MGST1: variants seen among roughly 807,000 people sequenced by gnomAD.
MGST1 encodes the protein microsomal glutathione S-transferase 1.
In MGST1, 5 loss-of-function variants were observed where a neutral mutation model predicts 8.9. The observed-to-expected ratio is 0.56, with a 90% CI of 0.29 to 1.19. The LOEUF is 1.19. MGST1 is among the 50% of genes most tolerant of loss of function. The pLI is 0.08. For missense variants in MGST1, 182 were observed against 187.4 expected (o/e 0.97, Z 0.17); for synonymous variants, 54 against 67.8 (o/e 0.80, Z 1.00).
At chr12:16,365,462 T>C (rs1476739656), downstream of MGST1, among the ~76,000 whole-genome samples, 1 of 152,240 alleles carries the variant, frequency 6.6e-6, no homozygotes, top group African/African-American at 2.4e-5. Flanking sequence ...CATTTAGATG[T>C]GCCACTCAAG....
At chr12:16,415,539 C>T (rs1159029037) in intron 1 of MGST1, among the ~76,000 whole-genome samples, 1 of 152,170 alleles carries the variant, frequency 6.6e-6, no homozygotes, top group Non-Finnish European at 1.5e-5. Flanking sequence ...TTTGCAGTGA[C>T]CCACTTCTAC....
At chr12:16,370,481 G>A (rs1381344920) in intron 3 of MGST1, 2 of 152,118 alleles carry the variant, frequency 1.3e-5, no homozygotes, top group South Asian at 4.1e-4. Flanking sequence ...AAATTTTTGT[G>A]TTAGTGTTTG....
downstream of MGST1, among the ~76,000 whole-genome samples, chr12:16,381,604 C>G (rs1272854745): frequency 1.3e-5 from 2 of 152,096 alleles, no homozygotes; most frequent in East Asian, 1.9e-4. Context: ...TGGTGAATCT[C>G]ACAATTATGT....
chr12:16,415,015 A>G (rs1429830564), intron 1 of MGST1, among the ~76,000 whole-genome samples: 1 of 152,016 alleles, frequency 6.6e-6, no homozygotes, highest in South Asian at 2.1e-4. Flanking sequence ...CAAGAGCAAA[A>G]CTTCGCCTCA....
intron 4 of MGST1, among the ~76,000 whole-genome samples, chr12:16,583,621 G>A (rs1014138716): frequency 3.3e-5 from 5 of 152,144 alleles, no homozygotes; most frequent in Non-Finnish European, 7.3e-5. Flanking sequence ...GTAAGAGGCT[G>A]ATTTATATCA....
At chr12:16,509,214 A>T (rs550767168) in intron 4 of MGST1, among the ~76,000 whole-genome samples, 10 of 152,350 alleles carry the variant, frequency 6.6e-5, no homozygotes, top group African/African-American at 2.2e-4. Flanking sequence ...CAGTGTTAAT[A>T]ATGAAATATA....
chr12:16,586,484 C>G lies in MGST1; in HGVS notation n.483-3044C>G, dbSNP rs529742660. ...GGACAATGTGTCTGGACAAATCTCA[C>G]GCTAAGCATTATCTTCTACGTCCAC... is the stretch of plus-strand genomic sequence containing the variant. On this transcript the variant is annotated intron_variant and non_coding_transcript_variant, in intron 4 of 4. Coordinates refer to the MGST1 transcript ENST00000538857. The surrounding 1 kb of genome is among the most constrained non-coding windows in gnomAD (Gnocchi z 4.3). Among the ~76,000 whole-genome samples the G allele has an allele frequency of 1.3e-5, 2 of 152,158 alleles. No homozygotes were observed. Among genetic ancestry groups the G allele is most frequent in the African/African-American group, 2.4e-5 (1 of 41,456 alleles).
intron 4 of MGST1, among the ~76,000 whole-genome samples, chr12:16,471,526 A>G (rs1169358141): frequency 6.6e-6 from 1 of 152,194 alleles, no homozygotes; most frequent in Non-Finnish European, 1.5e-5. Flanking sequence ...TCAGGTTTTT[A>G]ATGCCTTGAT....
chr12:16,561,228 T>C (rs1271719176), intron 4 of MGST1, among the ~76,000 whole-genome samples: 2 of 152,206 alleles, frequency 1.3e-5, no homozygotes, highest in Admixed American at 6.5e-5. Flanking sequence ...TGAGAATCGT[T>C]ATTGTAATGA....
At chr12:16,390,943 CT>C (rs977183785) in intron 1 of MGST1, among the ~76,000 whole-genome samples, 28 of 151,998 alleles carry the variant, frequency 1.8e-4, no homozygotes, top group African/African-American at 6.5e-4. Flanking sequence ...TAAGTGTTCG[CT>C]TTTCTCCACA....
chr12:16,391,554 A>G (rs1193516813), intron 1 of MGST1, among the ~76,000 whole-genome samples: 1 of 151,496 alleles, frequency 6.6e-6, no homozygotes, highest in East Asian at 2.0e-4. Context: ...TTCTTTATCC[A>G]GTGTATTATT....
intron 4 of MGST1, among the ~76,000 whole-genome samples, chr12:16,480,436 C>T (rs575910420): frequency 1.2e-4 from 19 of 152,128 alleles, no homozygotes; most frequent in African/African-American, 2.9e-4. Flanking sequence ...CCACCGTGGT[C>T]GGCCAGAAAT....
chr12:16,531,252 C>T (rs142122432), intron 4 of MGST1, among the ~76,000 whole-genome samples: 305 of 135,290 alleles, frequency 2.3e-3, no homozygotes, highest in Non-Finnish European at 2.3e-3. Flanking sequence ...ATTTTCAAAA[C>T]AAATTTAACA....
At chr12:16,573,464 T>C (rs1248497727) in intron 4 of MGST1, 1 of 152,174 alleles carries the variant, frequency 6.6e-6, no homozygotes, top group African/African-American at 2.4e-5. Flanking sequence ...TGTGTCCACA[T>C]GTATAAATAA....
chr12:16,451,939 T>C (rs1387449090), intron 4 of MGST1, among the ~76,000 whole-genome samples: 4 of 151,854 alleles, frequency 2.6e-5, no homozygotes, highest in Admixed American at 1.3e-4. Flanking sequence ...CATTTTAGGA[T>C]AAAATACTTA....
intron 1 of MGST1, among the ~76,000 whole-genome samples, chr12:16,414,650 C>T (rs1047302488): frequency 1.3e-5 from 2 of 151,924 alleles, no homozygotes; most frequent in African/African-American, 2.4e-5. Flanking sequence ...CTCCTGACCT[C>T]GTGATCCACC....
intron 1 of MGST1, among the ~76,000 whole-genome samples, chr12:16,352,261 A>G (rs1355319321): frequency 6.6e-6 from 1 of 152,232 alleles, no homozygotes; most frequent in Non-Finnish European, 1.5e-5. Flanking sequence ...GTGGTTTTTA[A>G]TCACATTCAC....
rs149748164 is a variant in MGST1, at chr12:16,554,909, G to A, written n.483-34619G>A. ...TCCCAACCTCGTGATCCGCCCGCCC[G>A]CCTCGGCCTCCCAAAGTGCTGGGAT... On this transcript the variant is annotated intron_variant and non_coding_transcript_variant, in intron 4 of 4. Transcript: ENST00000538857. 4.3e-4 allele frequency among the ~76,000 whole-genome samples: 66 copies of A among 152,174 alleles called. No homozygotes were observed. In the East Asian group the frequency reaches 0.012, roughly 27 times the overall value.
At chr12:16,579,759 C>G (rs1943101073) in intron 4 of MGST1, among the ~76,000 whole-genome samples, 2 of 152,044 alleles carry the variant, frequency 1.3e-5, no homozygotes, top group Non-Finnish European at 2.9e-5. Context: ...TCAGAATGAC[C>G]AATAGATTCA....
Sources: allele counts gnomAD v4.1 joint callset (sites outside exome capture counted in the v4.1 genomes callset), GRCh38; gene constraint gnomAD v4.1.1; non-coding constraint Gnocchi (gnomAD v3.1); transcripts MANE v1.5; gene names NCBI Gene and HGNC (gene_info 2026-07-23, HGNC 2026-07-21).